CERKL: variants seen among roughly 807,000 people sequenced by gnomAD.
CERKL encodes ceramide kinase-like protein.
Under a neutral mutation model 63.4 loss-of-function variants are expected in CERKL, and 61 were observed. The observed-to-expected ratio is 0.96, with a 90% CI of 0.78 to 1.19. The LOEUF (loss-of-function observed/expected upper bound fraction) is 1.19, where lower values mean the gene tolerates loss of function less well. CERKL is among the 50% of genes most tolerant of loss of function. The pLI, the probability that CERKL is intolerant of heterozygous loss-of-function variation, is 0.00. For missense variants in CERKL, 675 were observed against 655.5 expected (o/e 1.03, Z -0.33); for synonymous variants, 250 against 230.5 (o/e 1.08, Z -0.77).
intron 2 of CERKL, among the ~76,000 whole-genome samples, chr2:181,596,991 T>C (rs1685241473): frequency 6.6e-6 from 1 of 152,208 alleles, no homozygotes; most frequent in Non-Finnish European, 1.5e-5. Flanking sequence ...TTTCAATTTC[T>C]CTTTTTTGAT....
At position 181,547,136 on chromosome 2, in the gene CERKL, CT is replaced by C. The variant is rs201060120; in HGVS notation, c.1268+481del. ...GTGGAGCCTCCCCAGCAACGTGGAA[CT>C]GTAAGTCCATTAAACCTCTTTCTTT... is the stretch of plus-strand genomic sequence containing the variant. On this transcript the variant is annotated intron_variant, in intron 10 of 12. Transcript: ENST00000410087. Among the ~76,000 whole-genome samples the C allele has an allele frequency of 9.7e-3, 1,471 of 152,316 alleles. 25 individuals are homozygous for C. The highest frequency in any genetic ancestry group is 0.033 in the African/African-American group (1,384 of 41,574).
At chr2:181,653,062 T>C (rs746009616) in intron 1 of CERKL, among the ~76,000 whole-genome samples, 1 of 152,200 alleles carries the variant, frequency 6.6e-6, no homozygotes, top group Non-Finnish European at 1.5e-5. Flanking sequence ...CGTGAGCCAC[T>C]GTGCCTGGCC....
At chr2:181,647,299 T>C (rs188470434) in intron 1 of CERKL, among the ~76,000 whole-genome samples, 5 of 152,334 alleles carry the variant, frequency 3.3e-5, no homozygotes, top group East Asian at 1.9e-4. Flanking sequence ...AAGAACACTG[T>C]GAGCCAGACA....
chr2:181,618,266 A>AT (rs3060883), intron 1 of CERKL, among the ~76,000 whole-genome samples: 37,332 of 127,978 alleles, frequency 0.29, 5,999 homozygotes, highest in Non-Finnish European at 0.43. Flanking sequence ...CTTACACAAT[A>AT]TTTTTTTTTT....
chr2:181,548,134 G>A, intron 8 of CERKL: 1 of 559,128 alleles, frequency 1.8e-6, no homozygotes, highest in Non-Finnish European at 3.1e-6. Context: ...TTACACACTA[G>A]ACCAAAATTA....
chr2:181,608,053 G>A (rs903557202), intron 1 of CERKL, among the ~76,000 whole-genome samples: 5 of 152,026 alleles, frequency 3.3e-5, no homozygotes, highest in African/African-American at 1.2e-4. Context: ...GAATGGAGTG[G>A]TTATTCACAG....
chr2:181,563,562 G>T lies in CERKL; in HGVS notation c.677+2496C>A, dbSNP rs1248211182. Among the ~76,000 whole-genome samples the T allele has an allele frequency of 2.0e-5, 3 of 151,186 alleles. No individual in the cohort carries two copies. The East Asian group carries it at 5.8e-4, about 29-fold the overall frequency. On this transcript the variant is annotated intron_variant, in intron 4 of 12. Coordinates refer to ENST00000410087, the MANE Select transcript of CERKL (RefSeq NM_201548.5). ...CAGGCCAAAGTTCTTAAAGAAATTT[G>T]AGTCTGTCTCTCATCAAAATGCCAT...
At chr2:181,600,396 G>A (rs923426696) in intron 2 of CERKL, among the ~76,000 whole-genome samples, 1 of 152,114 alleles carries the variant, frequency 6.6e-6, no homozygotes, top group African/African-American at 2.4e-5. Context: ...TGGCCTAAAT[G>A]CTCCACTTAA....
chr2:181,589,087 G>A (rs1684882833), intron 2 of CERKL, among the ~76,000 whole-genome samples: 1 of 152,090 alleles, frequency 6.6e-6, no homozygotes, highest in African/African-American at 2.4e-5. Context: ...TGGGTTTGAT[G>A]TAATCCAACG....
intron 1 of CERKL, among the ~76,000 whole-genome samples, chr2:181,640,477 T>C (rs1283974533): frequency 1.3e-5 from 2 of 152,186 alleles, no homozygotes; most frequent in African/African-American, 4.8e-5. Flanking sequence ...TGTCAATGTC[T>C]GAAATGTAAT....
chr2:181,538,228 T>C lies in CERKL; in HGVS notation c.1555A>G (p.Ile519Val). 3.1e-6 allele frequency: 5 copies of C among 1,590,766 alleles called. No individual in the cohort carries two copies. The highest frequency in any genetic ancestry group is 3.4e-6 in the Non-Finnish European group (4 of 1,159,740). ...TCCATGCTTCCTCCATAAAGACTGA[T>C]AAGTCTTGGATGCAATCTGTAAAGA... Reference protein sequence around the residue: ...EVHIRLHPRLISLYGGSMEEM... With the variant: ...EVHIRLHPRLVSLYGGSMEEM... The change falls in exon 13 of 13, where the codon ATC (isoleucine) becomes GTC (valine). Residue 519 changes from isoleucine to valine, a missense_variant. Ile to Val is a conservative substitution (Grantham distance 29). Coordinates refer to ENST00000410087, the MANE Select transcript of CERKL (RefSeq NM_201548.5).
At chr2:181,560,702 T>A (rs952690217) in intron 4 of CERKL, among the ~76,000 whole-genome samples, 2 of 152,148 alleles carry the variant, frequency 1.3e-5, no homozygotes, top group Admixed American at 1.3e-4. Context: ...AACAGGGATT[T>A]GAAATAAGAC....
intron 2 of CERKL, among the ~76,000 whole-genome samples, chr2:181,582,532 T>C (rs918033832): frequency 1.5e-4 from 22 of 148,200 alleles, no homozygotes; most frequent in Middle Eastern, 3.4e-3. Flanking sequence ...TATATATATA[T>C]ATATGTTTTT....
At chr2:181,647,054 G>A (rs1687699782) in intron 1 of CERKL, among the ~76,000 whole-genome samples, 1 of 152,160 alleles carries the variant, frequency 6.6e-6, no homozygotes, top group Admixed American at 6.5e-5. Flanking sequence ...GAAAGAGCTG[G>A]TAGAGAATGA....
intron 3 of CERKL, among the ~76,000 whole-genome samples, chr2:181,573,172 G>A (rs1464190645): frequency 1.3e-5 from 2 of 151,956 alleles, no homozygotes; most frequent in African/African-American, 4.8e-5. Context: ...AAATCAAAAA[G>A]GATATTACTA....
intron 5 of CERKL, among the ~76,000 whole-genome samples, chr2:181,553,721 T>G (rs1397561631): frequency 6.6e-6 from 1 of 152,196 alleles, no homozygotes; most frequent in Non-Finnish European, 1.5e-5. Flanking sequence ...TTTTAGTCAT[T>G]GACTACTCAT....
At chr2:181,607,045 A>G (rs1685748797) in intron 1 of CERKL, among the ~76,000 whole-genome samples, 1 of 152,208 alleles carries the variant, frequency 6.6e-6, no homozygotes, top group Non-Finnish European at 1.5e-5. Context: ...ATATCTATCT[A>G]TAATTATTGT....
At position 181,539,267 on chromosome 2, in the gene CERKL, A is replaced by G; in HGVS notation, c.1366-3T>C. On this transcript the variant is annotated splice_region_variant and splice_polypyrimidine_tract_variant and intron_variant, in intron 11 of 12. Transcript: ENST00000410087. ...GTCTCAACAAATGGAAAATTGAACT[A>G]AAAATAAATACAAATAATCATTATA... 2 of 1,551,914 alleles carry G rather than the reference A, an allele frequency of 1.3e-6. No homozygotes were observed. Among genetic ancestry groups the G allele is most frequent in the East Asian group, 2.2e-5 (1 of 44,446 alleles).
chr2:181,578,744 T>C (rs1490159174), intron 2 of CERKL, among the ~76,000 whole-genome samples: 1 of 152,048 alleles, frequency 6.6e-6, no homozygotes, highest in Non-Finnish European at 1.5e-5. Flanking sequence ...CTACATAGGA[T>C]GCCATCTCAC....
Sources: gnomAD v4.1 joint callset for allele counts (sites outside exome capture counted in the v4.1 genomes callset) on GRCh38, gnomAD v4.1.1 for gene constraint, MANE v1.5 for transcripts, NCBI Gene and HGNC (gene_info 2026-07-23, HGNC 2026-07-21) for gene names.